Variants in NLGN1 observed in about 807,000 individuals in gnomAD.
The protein encoded by NLGN1 is neuroligin 1, also known as neuroligin-1.
A neutral mutation model predicts 65.5 loss-of-function variants in NLGN1; 12 were observed. The observed-to-expected ratio is 0.18, with a 90% CI of 0.12 to 0.30. The LOEUF (loss-of-function observed/expected upper bound fraction) is 0.30, where lower values mean the gene tolerates loss of function less well. NLGN1 is among the 10% of genes least tolerant of loss of function. The probability of loss-of-function intolerance (pLI) is 1.00; values close to 1 mark genes in which losing one functional copy is unlikely to be tolerated. For synonymous variants in NLGN1, 350 were observed against 359.5 expected, an observed-to-expected ratio of 0.97 and a Z score of 0.30; for missense variants, 750 against 1,007.1, an observed-to-expected ratio of 0.74 and a Z score of 3.46.
chr3:174,279,917 CTTGTTA>C lies in NLGN1; in HGVS notation c.1649+273_1649+278del, dbSNP rs1453242868. 6.6e-6 allele frequency among the ~76,000 whole-genome samples: 1 copy of C among 151,928 alleles called. No individual in the cohort carries two copies. The highest frequency in any genetic ancestry group is 2.4e-5 in the African/African-American group (1 of 41,404). ...CTTTTGGTTTTTGAATTATACAAGA[CTTGTTA>C]TTGTTCAGCAGTAATAAATATTATT... is the stretch of plus-strand genomic sequence containing the variant. On this transcript the variant is annotated intron_variant, in intron 6 of 6. Coordinates refer to ENST00000457714, the Ensembl canonical transcript of NLGN1. The surrounding 1 kb of genome is among the most constrained non-coding windows in gnomAD (Gnocchi z 4.7).
At position 173,834,319 on chromosome 3, in the gene NLGN1, T is replaced by C. The variant is rs74890440; in HGVS notation, c.646+26487T>C. ...GCTAAACTCTGCTCTTTATTACTCT[T>C]TATTTTTTGGAAAATTCTTGATCTT... On this transcript the variant is annotated intron_variant, in intron 4 of 6. Transcript: ENST00000457714. 1.6e-3 allele frequency among the ~76,000 whole-genome samples: 240 copies of C among 152,286 alleles called. 6 individuals carry two copies. The East Asian group carries it at 0.042, about 27-fold the overall frequency.
At chr3:173,887,494 C>A (rs2150959178) in intron 4 of NLGN1, among the ~76,000 whole-genome samples, 1 of 151,956 alleles carries the variant, frequency 6.6e-6, no homozygotes, top group Admixed American at 6.6e-5. Context: ...TGGAAGAGGT[C>A]TTGGAAAATG....
chr3:173,618,402 G>A (rs534359474), intron 3 of NLGN1, among the ~76,000 whole-genome samples: 11 of 152,058 alleles, frequency 7.2e-5, no homozygotes, highest in Non-Finnish European at 1.6e-4. Context: ...TCCCTAAGTT[G>A]GCCAAGCTGA....
intron 1 of NLGN1, among the ~76,000 whole-genome samples, chr3:173,433,395 C>G (rs1460445870): frequency 1.3e-5 from 2 of 152,164 alleles, no homozygotes; most frequent in Non-Finnish European, 2.9e-5. Context: ...TGCTCAGGCT[C>G]TGATCCCTTT....
At chr3:173,745,218 C>T (rs1369503110) in intron 3 of NLGN1, among the ~76,000 whole-genome samples, 1 of 152,036 alleles carries the variant, frequency 6.6e-6, no homozygotes, top group Non-Finnish European at 1.5e-5. Context: ...CTAATGTCCT[C>T]ATTACAGATT....
rs77350990 is a variant in NLGN1, at chr3:173,854,137, T to C, written c.646+46305T>C. 1.7e-3 allele frequency among the ~76,000 whole-genome samples: 252 copies of C among 152,184 alleles called. 3 individuals carry two copies. In the East Asian group the frequency reaches 0.028, roughly 17 times the overall value. On this transcript the variant is annotated intron_variant, in intron 4 of 6. Transcript: ENST00000457714. Reference sequence around the variant, plus strand: ...TCATGTTAAGTTTTTTTAAGCAAGATACACTTTTAATATGGCAACAACAAC... The same window carrying C: ...TCATGTTAAGTTTTTTTAAGCAAGACACACTTTTAATATGGCAACAACAAC...
intron 3 of NLGN1, among the ~76,000 whole-genome samples, chr3:173,618,487 A>G (rs1016288506): frequency 6.6e-6 from 1 of 152,128 alleles, no homozygotes; most frequent in Non-Finnish European, 1.5e-5. Flanking sequence ...ATGAGCCACT[A>G]TGTCTTTTCT....
At chr3:173,539,895 AT>A (rs1738521315) in intron 2 of NLGN1, among the ~76,000 whole-genome samples, 2 of 145,962 alleles carry the variant, frequency 1.4e-5, no homozygotes, top group African/African-American at 2.6e-5. Context: ...TGTTATATAT[AT>A]GTTATAAATG....
At chr3:173,461,766 A>T (rs1308830116) in intron 2 of NLGN1, among the ~76,000 whole-genome samples, 2 of 152,106 alleles carry the variant, frequency 1.3e-5, no homozygotes, top group Non-Finnish European at 2.9e-5. Flanking sequence ...CTACAAAAAA[A>T]ATCTCTCTTC....
rs140236453 is a variant in NLGN1, at chr3:173,926,752, G to C, written c.646+118920G>C. On this transcript the variant is annotated intron_variant, in intron 4 of 6. Coordinates refer to ENST00000457714, the Ensembl canonical transcript of NLGN1. The stretch of plus-strand genomic sequence containing the variant: ...CATCCATCCAAGTTAGAAACTTTTA[G>C]AAACTCTGTTTGCGAGTGGGTGGGG... Among the ~76,000 whole-genome samples, 35 of 152,258 alleles carry C rather than the reference G, an allele frequency of 2.3e-4. No individual in the cohort carries two copies. In the East Asian group the frequency reaches 6.6e-3, roughly 29 times the overall value.
intron 3 of NLGN1, among the ~76,000 whole-genome samples, chr3:173,648,241 A>G (rs1451637233): frequency 2.0e-5 from 3 of 152,232 alleles, no homozygotes; most frequent in Non-Finnish European, 1.5e-5. Flanking sequence ...AAATATTTTC[A>G]AATAATATAT....
intron 4 of NLGN1, among the ~76,000 whole-genome samples, chr3:174,203,017 T>C (rs1734767822): frequency 6.6e-6 from 1 of 152,192 alleles, no homozygotes; most frequent in Non-Finnish European, 1.5e-5. Flanking sequence ...TACTTATTTA[T>C]TTATTTTGAG....
rs527954496 is a variant in NLGN1 at position 173,600,476 on chromosome 3, AAC to A, written c.-320-3799_-320-3798del. Among the ~76,000 whole-genome samples, 54 of 152,190 alleles carry A rather than the reference AAC, an allele frequency of 3.5e-4. No homozygotes were observed. The East Asian group carries it at 0.01, about 29-fold the overall frequency. Reference sequence around the variant, plus strand: ...TGAGGGACATAAAGATATTTTTTAAAACACATATGCAAAGTCTTGCCCCAGGT... The same window carrying A: ...TGAGGGACATAAAGATATTTTTTAAAACATATGCAAAGTCTTGCCCCAGGT... On this transcript the variant is annotated intron_variant, in intron 2 of 6. Coordinates refer to ENST00000457714, the Ensembl canonical transcript of NLGN1.
chr3:173,931,235 C>A (rs2152286019), intron 4 of NLGN1, among the ~76,000 whole-genome samples: 1 of 152,218 alleles, frequency 6.6e-6, no homozygotes, highest in East Asian at 1.9e-4. Context: ...GAGGCTCCAC[C>A]TTCATGGAGC....
chr3:173,916,786 G>T (rs2152245235), intron 4 of NLGN1, among the ~76,000 whole-genome samples: 1 of 152,258 alleles, frequency 6.6e-6, no homozygotes, highest in East Asian at 1.9e-4. Context: ...TGAAGTTAAG[G>T]ATTCCTTGAG....
chr3:173,500,117 C>T (rs2149051832), intron 2 of NLGN1, among the ~76,000 whole-genome samples: 1 of 152,210 alleles, frequency 6.6e-6, no homozygotes, highest in African/African-American at 2.4e-5. Flanking sequence ...AGAGGGCATC[C>T]CTGTCTTGTG....
At chr3:173,784,935 T>C (rs943245195) in intron 3 of NLGN1, among the ~76,000 whole-genome samples, 4 of 152,144 alleles carry the variant, frequency 2.6e-5, no homozygotes, top group East Asian at 1.9e-4. Flanking sequence ...GTGAATGATA[T>C]GAATCTCCAC....
At chr3:173,800,267 C>A in intron 3 of NLGN1, 2 of 887,972 alleles carry the variant, frequency 2.3e-6, no homozygotes, top group Non-Finnish European at 2.9e-6. Context: ...TTTTTTTTTC[C>A]TCCATTTCTC....
At chr3:173,696,743 T>G (rs945102017) in intron 3 of NLGN1, among the ~76,000 whole-genome samples, 1 of 152,214 alleles carries the variant, frequency 6.6e-6, no homozygotes, top group African/African-American at 2.4e-5. Flanking sequence ...TTTTGTTTGT[T>G]TCTTATGAGT....
Sources: gnomAD v4.1 joint callset for allele counts (sites outside exome capture counted in the v4.1 genomes callset) on GRCh38, gnomAD v4.1.1 for gene constraint, Gnocchi (gnomAD v3.1) non-coding constraint, MANE v1.5 for transcripts, NCBI Gene and HGNC (gene_info 2026-07-23, HGNC 2026-07-21) for gene names.